UCHL5: variants seen among roughly 807,000 people sequenced by gnomAD.
The protein encoded by UCHL5 is ubiquitin carboxyl-terminal hydrolase isozyme L5.
UCHL5 carries 34 observed loss-of-function variants against 53.8 expected under a neutral mutation model. The ratio of observed to expected loss-of-function variants is 0.63; its 90% confidence interval spans 0.48 to 0.84. The LOEUF (loss-of-function observed/expected upper bound fraction) is 0.84. UCHL5 is among the 40% of genes least tolerant of loss of function. UCHL5 has a pLI of 0.00. For missense variants in UCHL5, 290 were observed against 385.6 expected, an observed-to-expected ratio of 0.75 and a Z score of 2.08; for synonymous variants, 111 against 126.3, an observed-to-expected ratio of 0.88 and a Z score of 0.81.
chr1:193,052,867 C>A (rs1036362255), intron 1 of UCHL5, among the ~76,000 whole-genome samples: 2 of 152,154 alleles, frequency 1.3e-5, no homozygotes, highest in Admixed American at 6.5e-5. Context: ...TTAAAACCCA[C>A]ATCAGGTTTC....
At chr1:193,030,462 T>C (rs1231797586) in intron 3 of UCHL5, among the ~76,000 whole-genome samples, 2 of 152,232 alleles carry the variant, frequency 1.3e-5, no homozygotes, top group Non-Finnish European at 2.9e-5. Context: ...AGGCTATCTC[T>C]GTACATACAC....
intron 10 of UCHL5, among the ~76,000 whole-genome samples, chr1:193,017,709 A>G (rs1490641631): frequency 6.6e-6 from 1 of 151,624 alleles, no homozygotes; most frequent in Non-Finnish European, 1.5e-5. Flanking sequence ...ACATAATTAA[A>G]TGAGCAAACA....
chr1:193,041,928 AGCCTGAG>A (rs1329294318), intron 3 of UCHL5, among the ~76,000 whole-genome samples: 1 of 152,152 alleles, frequency 6.6e-6, no homozygotes, highest in African/African-American at 2.4e-5. Flanking sequence ...GTTAGAGACC[AGCCTGAG>A]TAACATAATG....
At position 193,059,143 on chromosome 1, in the gene UCHL5, C is replaced by G. The variant is rs1391244577; in HGVS notation, c.76+42G>C. 6.7e-7 allele frequency: 1 copy of G among 1,498,246 alleles called. No homozygotes were observed. The highest frequency in any genetic ancestry group is 2.2e-5 in the Admixed American group (1 of 44,950). The allele number at this position is 1,498,246 out of a possible 1,614,324, so 92.8% of individuals were successfully genotyped here. On this transcript the variant is annotated intron_variant, in intron 1 of 10. Coordinates refer to ENST00000367454, the MANE Select transcript of UCHL5 (RefSeq NM_001199261.3). This position sits in a 1 kb window ranked among gnomAD's most constrained non-coding sequence, Gnocchi z 4.9. Reference sequence around the variant, plus strand: ...CCACTCCATGCCCAGCTTGGGCCTCCTCCCGTGACCCCAGGCCCAGGACGG... The same window carrying G: ...CCACTCCATGCCCAGCTTGGGCCTCGTCCCGTGACCCCAGGCCCAGGACGG...
At chr1:193,056,225 C>T (rs1039871967) in intron 1 of UCHL5, among the ~76,000 whole-genome samples, 3 of 152,102 alleles carry the variant, frequency 2.0e-5, no homozygotes, top group African/African-American at 7.2e-5. Flanking sequence ...TCACCTCTCT[C>T]ATTCCTATAC....
chr1:193,046,977 T>C (rs1667535072), intron 3 of UCHL5, among the ~76,000 whole-genome samples: 3 of 152,086 alleles, frequency 2.0e-5, no homozygotes, highest in African/African-American at 7.2e-5. Context: ...TACTTGGAGT[T>C]CTGGATGTAC....
chr1:193,015,143 A>T lies in UCHL5; in HGVS notation c.*1208T>A, dbSNP rs986791071. On this transcript the variant is annotated 3_prime_UTR_variant, in exon 11 of 11. Transcript: ENST00000367454. ...TCAATTTCCTATCAGGTTTTTCTCC[A>T]TTAGTTCTAAGTCATTTAATACCAC... 6.6e-6 allele frequency: 1 copy of T among 152,042 alleles called. No individual in the cohort carries two copies. The highest frequency in any genetic ancestry group is 1.5e-5 in the Non-Finnish European group (1 of 67,924). The allele number at this position is 152,042 out of a possible 1,614,324, so 9.4% of individuals were successfully genotyped here. A position where few individuals can be genotyped will look rare whatever the true frequency, so the allele number is the denominator to read the frequency against.
intron 3 of UCHL5, among the ~76,000 whole-genome samples, chr1:193,036,734 T>C (rs1484814723): frequency 3.3e-5 from 5 of 152,096 alleles, no homozygotes; most frequent in South Asian, 2.1e-4. Context: ...GGATAGACCA[T>C]GTTAGTCCAC....
chr1:193,023,138 A>G, intron 8 of UCHL5, 102 bp from the exon 9 acceptor site: 2 of 890,636 alleles, frequency 2.2e-6, no homozygotes, highest in Non-Finnish European at 3.5e-6. Flanking sequence ...TCAAATTTTT[A>G]CTCTTCATAT....
At chr1:193,031,058 C>A (rs1287529569) in intron 3 of UCHL5, among the ~76,000 whole-genome samples, 1 of 152,164 alleles carries the variant, frequency 6.6e-6, no homozygotes, top group Non-Finnish European at 1.5e-5. Flanking sequence ...ATTAGCATTG[C>A]TGCTGACTTA....
rs1299254768 is a variant in UCHL5 at position 193,014,288 on chromosome 1, C to T, written c.*2063G>A. The stretch of plus-strand genomic sequence containing the variant: ...AGTATCACAAGGGATTTGCAATCAC[C>T]AAAGAAGATGCAGATAAAATAAACC... On this transcript the variant is annotated 3_prime_UTR_variant, in exon 11 of 11. Transcript: ENST00000367454. 6.6e-6 allele frequency: 1 copy of T among 151,844 alleles called. No individual in the cohort carries two copies. Among genetic ancestry groups the T allele is most frequent in the Non-Finnish European group, 1.5e-5 (1 of 67,978 alleles). The allele number at this position is 151,844 out of a possible 1,614,324, so 9.4% of individuals were successfully genotyped here.
chr1:193,041,142 TTGAA>T (rs1665429621), intron 3 of UCHL5, among the ~76,000 whole-genome samples: 2 of 152,284 alleles, frequency 1.3e-5, no homozygotes, highest in East Asian at 3.9e-4. Flanking sequence ...AGAGGATAAT[TTGAA>T]TGTTTCTAGC....
rs182901005 is a variant in UCHL5 at position 193,056,099 on chromosome 1, G to A, written c.76+3086C>T. Among the ~76,000 whole-genome samples, 713 of 152,242 alleles carry A rather than the reference G, an allele frequency of 4.7e-3. 1 individual carries two copies. Among genetic ancestry groups the A allele is most frequent in the Middle Eastern group, 0.027 (8 of 294 alleles). Reference sequence around the variant, plus strand: ...CATATACTGGTTATCTATTTCTTAAGTGAACTTTGGTAATTTGTGTCTTTA... The same window carrying A: ...CATATACTGGTTATCTATTTCTTAAATGAACTTTGGTAATTTGTGTCTTTA... On this transcript the variant is annotated intron_variant, in intron 1 of 10. Transcript: ENST00000367454.
At chr1:193,023,063 C>T in intron 8 of UCHL5, 27 bp from the exon 9 acceptor site, 3 of 1,452,908 alleles carry the variant, frequency 2.1e-6, no homozygotes, top group East Asian at 2.3e-5. Context: ...AAAGAAATAG[C>T]ACACCCTAAT....
chr1:193,028,284 T>G (rs1660094219), intron 6 of UCHL5, 136 bp from the exon 7 acceptor site: 1 of 634,072 alleles, frequency 1.6e-6, no homozygotes, highest in Non-Finnish European at 2.5e-6. Flanking sequence ...TTTAGTATAA[T>G]TATGTTGTTT....
intron 3 of UCHL5, among the ~76,000 whole-genome samples, chr1:193,043,151 T>TAAAAAAAAAAAAAAAAAAAAAAAA (rs200951342): frequency 1.1e-4 from 4 of 36,372 alleles, no homozygotes; most frequent in African/African-American, 3.3e-4. Flanking sequence ...TCTTGAATAT[T>TAAAAAAAAAAAAAAAAAAAAAAAA]AAAAAAAAAA....
At chr1:193,035,872 G>A (rs995330999) in intron 3 of UCHL5, among the ~76,000 whole-genome samples, 1 of 151,880 alleles carries the variant, frequency 6.6e-6, no homozygotes, top group Admixed American at 6.6e-5. Flanking sequence ...AAAGTGTAGA[G>A]TTTTTTTCTT....
At chr1:193,024,966 T>C (rs903074781) in intron 7 of UCHL5, among the ~76,000 whole-genome samples, 2 of 152,084 alleles carry the variant, frequency 1.3e-5, no homozygotes, top group Non-Finnish European at 2.9e-5. Context: ...GGACATAATA[T>C]GTTTTTTAAA....
intron 3 of UCHL5, among the ~76,000 whole-genome samples, chr1:193,031,448 G>T (rs74130911): frequency 0.022 from 3,298 of 152,024 alleles, 118 homozygotes; most frequent in African/African-American, 0.076. Flanking sequence ...AATTCTTGTG[G>T]TTACTTTCTT....
Sources: gnomAD v4.1 joint callset for allele counts (sites outside exome capture counted in the v4.1 genomes callset) on GRCh38, gnomAD v4.1.1 for gene constraint, Gnocchi (gnomAD v3.1) non-coding constraint, MANE v1.5 for transcripts, NCBI Gene and HGNC (gene_info 2026-07-23, HGNC 2026-07-21) for gene names.